USF3: variants seen among roughly 807,000 people sequenced by gnomAD.
USF3 encodes upstream transcription factor family member 3.
USF3 carries 29 observed loss-of-function variants against 157.5 expected under a neutral mutation model. That is an observed-to-expected ratio of 0.18 (90% CI 0.14 to 0.25). The LOEUF is 0.25. Ranked by LOEUF, USF3 falls within the 10% of genes least tolerant of loss-of-function variation. The pLI is 1.00. For missense variants in USF3, 2,381 were observed against 2,667.6 expected (o/e 0.89, Z 2.37); for synonymous variants, 893 against 941.4 (o/e 0.95, Z 0.94).
rs759482126 is a variant in USF3 at position 113,658,051 on chromosome 3, C to G, written c.3631G>C (p.Glu1211Gln). The G allele has an allele frequency of 4.3e-6, 7 of 1,614,034 alleles. No individual in the cohort carries two copies. Among genetic ancestry groups the G allele is most frequent in the South Asian group, 1.1e-5 (1 of 91,078 alleles). Residue 1211 changes from glutamate (E) to glutamine (Q), a missense_variant, in exon 7 of 7, where the codon GAG (glutamate) becomes CAG (glutamine). Physicochemically the swap from Glu to Gln is conservative, Grantham distance 29. Coordinates refer to ENST00000316407, the MANE Select transcript of USF3 (RefSeq NM_001009899.4). ...ATTCCTAGAGAACAACTTGGTTTCT[C>G]AAGGGGCCTCTCCATAGTTGCTTCA... ...SIEATMERPL[E>Q]KPSCSLGIKT...
In USF3 at chr3:113,659,123, C is replaced by G. The variant is rs768114397; in HGVS notation, c.2559G>C (p.Val853=). ...SFPAVLPSVS[V]SQANSVSVSA... is the part of the protein sequence containing the mutation. The stretch of plus-strand genomic sequence containing the variant: ...AAACACTCACACTATTTGCCTGAGA[C>G]ACAGAGACAGATGGTAACACAGCAG... The change falls in exon 7 of 7, where the codon GTG becomes GTC. Residue 853 remains valine (V), a synonymous_variant. Coordinates refer to ENST00000316407, the MANE Select transcript of USF3 (RefSeq NM_001009899.4). The G allele has an allele frequency of 2.5e-6, 4 of 1,614,186 alleles. No individual in the cohort carries two copies. The highest frequency in any genetic ancestry group is 1.6e-4 in the Middle Eastern group (1 of 6,062).
intron 5 of USF3, among the ~76,000 whole-genome samples, 159 bp from the exon 6 acceptor site, chr3:113,664,568 T>C (rs1459888294): frequency 6.6e-6 from 1 of 152,202 alleles, no homozygotes; most frequent in African/African-American, 2.4e-5. Flanking sequence ...ATATTTTTCA[T>C]TTATTAAATG....
chr3:113,691,905 G>A (rs1707693698), intron 1 of USF3, among the ~76,000 whole-genome samples: 1 of 152,140 alleles, frequency 6.6e-6, no homozygotes, highest in Admixed American at 6.5e-5. Context: ...CCTCTTTAAA[G>A]ATTTCTCTGA....
In USF3 at chr3:113,672,815, T is replaced by C. The variant is rs1266784034; in HGVS notation, c.76+533A>G. On this transcript the variant is annotated intron_variant, in intron 4 of 6. Transcript: ENST00000316407. Reference sequence around the variant, plus strand: ...TACAGTGTGCCAAATTCCAAATGTATGCACAATTAATTTTATAGATGTTTA... The same window carrying C: ...TACAGTGTGCCAAATTCCAAATGTACGCACAATTAATTTTATAGATGTTTA... Among the ~76,000 whole-genome samples, 9 of 152,320 alleles carry C rather than the reference T, an allele frequency of 5.9e-5. No homozygotes were observed. In the East Asian group the frequency reaches 1.7e-3, roughly 29 times the overall value.
At chr3:113,692,903 A>T (rs946229974) in intron 1 of USF3, among the ~76,000 whole-genome samples, 1 of 152,212 alleles carries the variant, frequency 6.6e-6, no homozygotes, top group African/African-American at 2.4e-5. Context: ...ATGAATAATA[A>T]ATGTATACCT....
At chr3:113,675,727 T>C (rs1707266269) in intron 2 of USF3, among the ~76,000 whole-genome samples, 1 of 152,206 alleles carries the variant, frequency 6.6e-6, no homozygotes, top group Non-Finnish European at 1.5e-5. Context: ...TACATGAGAC[T>C]GGGTAATTTT....
rs1422518634 is a variant in USF3, at chr3:113,658,247, G to A, written c.3435C>T (p.Asn1145=). Residue 1145 remains asparagine (N), a synonymous_variant, in exon 7 of 7, where the codon AAC becomes AAT. Coordinates refer to ENST00000316407, the MANE Select transcript of USF3 (RefSeq NM_001009899.4). ...LAARAIFDQE[N]LEKGRVGLQA... is the part of the protein sequence containing the mutation. ...GGAGGCCAACTCTCCCCTTCTCAAG[G>A]TTCTCCTGGTCAAAAATAGCTCTTG... The A allele has an allele frequency of 1.9e-6, 3 of 1,614,086 alleles. No individual in the cohort carries two copies. Among genetic ancestry groups the A allele is most frequent in the South Asian group, 1.1e-5 (1 of 91,080 alleles).
In USF3 at chr3:113,658,221, T is replaced by C; in HGVS notation, c.3461A>G (p.Gln1154Arg). The C allele has an allele frequency of 6.2e-7, 1 of 1,614,158 alleles. No homozygotes were observed. The highest frequency in any genetic ancestry group is 1.7e-5 in the Admixed American group (1 of 60,008). ...ENLEKGRVGL[Q>R]ADIREVASKP... ...TGAAGCAACTTCCCTTATATCAGCC[T>C]GGAGGCCAACTCTCCCCTTCTCAAG... The change falls in exon 7 of 7, where the codon CAG becomes CGG. Residue 1154 changes from glutamine to arginine, a missense_variant. By Grantham distance (43) the Gln-to-Arg change is conservative. Transcript: ENST00000316407.
rs1947353125 is a variant in USF3 at position 113,656,100 on chromosome 3, G to A, written c.5582C>T (p.Thr1861Ile). ...SSAIEYNCPP[T>I]HENVHIRRES... Reference sequence around the variant, plus strand: ...TCTTCTAATATGGACATTTTCATGAGTTGGGGGACAATTATATTCAATTGC... The same window carrying A: ...TCTTCTAATATGGACATTTTCATGAATTGGGGGACAATTATATTCAATTGC... Residue 1861 changes from threonine (T) to isoleucine (I), a missense_variant, in exon 7 of 7, where the codon ACT becomes ATT. Physicochemically the swap from Thr to Ile is moderately conservative, Grantham distance 89. This residue lies in a region of USF3 where 770 missense variants were observed against 824.2 expected (regional missense o/e 0.93). Coordinates refer to ENST00000316407, the MANE Select transcript of USF3 (RefSeq NM_001009899.4). 4 of 1,614,040 alleles carry A rather than the reference G, an allele frequency of 2.5e-6. No homozygotes were observed. The highest frequency in any genetic ancestry group is 3.4e-6 in the Non-Finnish European group (4 of 1,180,020).
Position 113,695,849 on chromosome 3 carries a change from A to C in USF3, c.-135+521T>G, listed in dbSNP as rs114564642. On this transcript the variant is annotated intron_variant, in intron 1 of 6. Transcript: ENST00000316407. ...GCACTGCTTCTACTCAGAAAGCAAAAGAACGGCTTCTAAAAAGAAAACACA... is the reference window on the plus strand; with the variant it reads ...GCACTGCTTCTACTCAGAAAGCAAACGAACGGCTTCTAAAAAGAAAACACA... Among the ~76,000 whole-genome samples the C allele has an allele frequency of 4.8e-3, 736 of 152,380 alleles. 6 individuals carry two copies. The highest frequency in any genetic ancestry group is 0.017 in the African/African-American group (700 of 41,584).
At chr3:113,688,492 GAA>G (rs1707609173) in intron 1 of USF3, among the ~76,000 whole-genome samples, 1 of 152,212 alleles carries the variant, frequency 6.6e-6, no homozygotes, top group Non-Finnish European at 1.5e-5. Flanking sequence ...CAGTGGTTCT[GAA>G]AACTGAATAC....
In USF3 at chr3:113,659,446, T is replaced by C. The variant is rs538264638; in HGVS notation, c.2236A>G (p.Thr746Ala). ...NSQTAANSQTTTANCVSLTTT... is the reference protein window; with the variant it reads ...NSQTAANSQTATANCVSLTTT... ...GTTAATGAAACACAGTTAGCTGTAG[T>C]GGTTTGACTATTTGCAGCAGTTTGA... Residue 746 changes from threonine (T) to alanine (A), a missense_variant, in exon 7 of 7, where the codon ACT (threonine) becomes GCT (alanine). Thr to Ala is a moderately conservative substitution (Grantham distance 58). Around this residue, in one of 6 missense-constraint regions of USF3, gnomAD observed 1,435 missense variants for 1,550.9 expected, o/e 0.93. Transcript: ENST00000316407. 3.1e-6 allele frequency: 5 copies of C among 1,614,224 alleles called. No individual in the cohort carries two copies. In the African/African-American group the frequency reaches 6.7e-5, roughly 22 times the overall value.
Position 113,653,048 on chromosome 3 carries a change from A to T in USF3, c.*1896T>A. The T allele has an allele frequency of 2.6e-6, 1 of 384,326 alleles. No individual in the cohort carries two copies. Among genetic ancestry groups the T allele is most frequent in the South Asian group, 4.7e-5 (1 of 21,330 alleles). The allele number at this position is 384,326 out of a possible 1,614,324, so 23.8% of individuals were successfully genotyped here. On this transcript the variant is annotated 3_prime_UTR_variant, in exon 7 of 7. Transcript: ENST00000316407. ...AACGACACTCCAGCCTGGGTGACAG[A>T]GTCTCAAAAAAAAAAGAAAAGAAGA...
chr3:113,655,630 TAGAGAGAGG>T lies in USF3; in HGVS notation c.6043_6051del (p.Pro2015_Ser2017del). The T allele has an allele frequency of 6.2e-7, 1 of 1,613,948 alleles. No individual in the cohort carries two copies. The highest frequency in any genetic ancestry group is 8.5e-7 in the Non-Finnish European group (1 of 1,179,854). On this transcript the variant is annotated inframe_deletion, in exon 7 of 7. Transcript: ENST00000316407. ...CGTCCAAGAATCATACTGCCACCAG[TAGAGAGAGG>T]AAGATGGGGAAGACTTGGATCAAAG...
Position 113,650,018 on chromosome 3 carries a change from C to CA in USF3, c.*4925dup, listed in dbSNP as rs1163067948. ...ATATAAGTATCATAAAATCATCACT[C>CA]ACAGATTAACTTCACTAGTTTGTCT... is the stretch of plus-strand genomic sequence containing the variant. On this transcript the variant is annotated 3_prime_UTR_variant, in exon 7 of 7. Coordinates refer to ENST00000316407, the MANE Select transcript of USF3 (RefSeq NM_001009899.4). 13 of 607,388 alleles carry CA rather than the reference C, an allele frequency of 2.1e-5. No individual in the cohort carries two copies. The highest frequency in any genetic ancestry group is 3.8e-5 in the Non-Finnish European group (13 of 341,324). 37.6% of individuals were successfully genotyped at this position (607,388 alleles called of 1,614,324 possible). A position where few individuals can be genotyped will look rare whatever the true frequency, so the allele number is the denominator to read the frequency against.
chr3:113,664,425 T>C lies in USF3; in HGVS notation c.160-16A>G. 1 of 1,480,464 alleles carries C rather than the reference T, an allele frequency of 6.8e-7. No individual in the cohort carries two copies. Among genetic ancestry groups the C allele is most frequent in the Non-Finnish European group, 9.3e-7 (1 of 1,078,542 alleles). The allele number at this position is 1,480,464 out of a possible 1,614,324, so 91.7% of individuals were successfully genotyped here. ...TATTCTTGCTCTGTCCAAGAAAATT[T>C]TAAAAGTTTACAAGTTTCACTGAAG... On this transcript the variant is annotated splice_polypyrimidine_tract_variant and intron_variant, in intron 5 of 6. Coordinates refer to ENST00000316407, the MANE Select transcript of USF3 (RefSeq NM_001009899.4).
intron 1 of USF3, among the ~76,000 whole-genome samples, chr3:113,687,625 T>TC (rs34786905): frequency 1.3e-5 from 2 of 152,298 alleles, no homozygotes; most frequent in East Asian, 1.9e-4. Flanking sequence ...AGTATAGTCT[T>TC]CCCCCCTGCT....
At position 113,649,603 on chromosome 3, in the gene USF3, G is replaced by A. The variant is rs1415635917; in HGVS notation, c.*5341C>T. The A allele has an allele frequency of 5.0e-6, 2 of 401,072 alleles. No individual in the cohort carries two copies. The highest frequency in any genetic ancestry group is 8.8e-6 in the Non-Finnish European group (2 of 227,302). The allele number at this position is 401,072 out of a possible 1,614,324, so 24.8% of individuals were successfully genotyped here. On this transcript the variant is annotated 3_prime_UTR_variant, in exon 7 of 7. Transcript: ENST00000316407. ...CATCAGCTGTACTTGTCGAGAAGGT[G>A]TCTGATTACACAGCGTGTACCATCC...
intron 6 of USF3, 44 bp downstream of exon 6, chr3:113,664,269 A>G (rs1443307373): frequency 7.7e-7 from 1 of 1,291,402 alleles, no homozygotes; most frequent in Non-Finnish European, 1.1e-6. Flanking sequence ...AAACACCTAA[A>G]CATTTTAAAA....
Sources: allele counts gnomAD v4.1 joint callset (sites outside exome capture counted in the v4.1 genomes callset), GRCh38; gene constraint gnomAD v4.1.1; regional missense constraint gnomAD v4.1.1; transcripts MANE v1.5; gene names NCBI Gene and HGNC (gene_info 2026-07-23, HGNC 2026-07-21).